GSPT1: variants seen among roughly 807,000 people sequenced by gnomAD.
GSPT1 encodes the protein eukaryotic peptide chain release factor GTP-binding subunit ERF3A.
A neutral mutation model predicts 72.5 loss-of-function variants in GSPT1; 20 were observed. That is an observed-to-expected ratio of 0.28 (90% CI 0.19 to 0.40). The LOEUF is 0.40. Ranked by LOEUF, GSPT1 falls within the 10% of genes least tolerant of loss-of-function variation. The pLI is 1.00. For synonymous variants in GSPT1, 334 were observed against 293.5 expected (o/e 1.14, Z -1.41); for missense variants, 580 against 811.9 (o/e 0.71, Z 3.47).
chr16:11,915,187 GCCGCGGGCCGCC>G (rs1421513917), intron 1 of GSPT1, 170 bp downstream of exon 1: 21 of 1,054,246 alleles, frequency 2.0e-5, no homozygotes, highest in Non-Finnish European at 2.2e-5. Context: ...CCCGGCCACC[GCCGCGGGCCGCC>G]CCGCGAAGGC....
chr16:11,876,517 G>A (rs1406295319), intron 12 of GSPT1, among the ~76,000 whole-genome samples: 1 of 152,114 alleles, frequency 6.6e-6, no homozygotes, highest in Non-Finnish European at 1.5e-5. Flanking sequence ...GGGGCCGGGG[G>A]GATCACCTGA....
chr16:11,898,641 G>C (rs2141305090), intron 1 of GSPT1, among the ~76,000 whole-genome samples: 1 of 152,120 alleles, frequency 6.6e-6, no homozygotes, highest in South Asian at 2.1e-4. Flanking sequence ...AGTAGAGATG[G>C]GGTTTCGCCA....
At chr16:11,915,340 G>GGA in intron 1 of GSPT1, 29 bp downstream of exon 1, 1 of 1,436,764 alleles carries the variant, frequency 7.0e-7, no homozygotes, top group Non-Finnish European at 9.1e-7. Flanking sequence ...GCGCCCGGCC[G>GGA]GACTTCCTCC....
intron 5 of GSPT1, among the ~76,000 whole-genome samples, chr16:11,892,525 A>AAAAAT (rs1256257842): frequency 1.1e-4 from 16 of 141,956 alleles, no homozygotes; most frequent in African/African-American, 4.2e-4. Flanking sequence ...AAAAAAAACA[A>AAAAAT]AAAAAACAAA....
intron 5 of GSPT1, among the ~76,000 whole-genome samples, chr16:11,894,617 C>T (rs1445422208): frequency 6.6e-6 from 1 of 152,118 alleles, no homozygotes; most frequent in South Asian, 2.1e-4. Flanking sequence ...ACACATTTAA[C>T]ACTAGTAATA....
In GSPT1 at chr16:11,886,829, T is replaced by C; in HGVS notation, c.1060A>G (p.Ile354Val). 1 of 1,612,706 alleles carries C rather than the reference T, an allele frequency of 6.2e-7. No homozygotes were observed. Among genetic ancestry groups the C allele is most frequent in the Non-Finnish European group, 8.5e-7 (1 of 1,178,712 alleles). Reference protein sequence around the residue: ...LAKTAGVKHLIVLINKMDDPT... With the variant: ...LAKTAGVKHLVVLINKMDDPT... Reference sequence around the variant, plus strand: ...TCATCCATCTTATTAATTAGCACAATTAGGTGTTTTACACCTGCTGTCTTT... The same window carrying C: ...TCATCCATCTTATTAATTAGCACAACTAGGTGTTTTACACCTGCTGTCTTT... Residue 354 changes from isoleucine to valine, a missense_variant, in exon 8 of 15, where the codon ATT becomes GTT. Physicochemically the swap from Ile to Val is conservative, Grantham distance 29. Around this residue, in one of 6 missense-constraint regions of GSPT1, gnomAD observed 34 missense variants for 62.0 expected, o/e 0.55. Coordinates refer to ENST00000434724, the MANE Select transcript of GSPT1 (RefSeq NM_002094.4).
In GSPT1 at chr16:11,915,361, G is replaced by A. The variant is rs1465312876; in HGVS notation, c.352+8C>T. 6 of 1,470,386 alleles carry A rather than the reference G, an allele frequency of 4.1e-6. No individual in the cohort carries two copies. Among genetic ancestry groups the A allele is most frequent in the Non-Finnish European group, 5.4e-6 (6 of 1,116,204 alleles). The allele number at this position is 1,470,386 out of a possible 1,614,324, so 91.1% of individuals were successfully genotyped here. A position where few individuals can be genotyped will look rare whatever the true frequency, so the allele number is the denominator to read the frequency against. ...GGCCGGACTTCCTCCCGCGTCCCGG[G>A]CCTTTACCCGCACGGCCTCCCGCGC... On this transcript the variant is annotated splice_region_variant and intron_variant, in intron 1 of 14. Transcript: ENST00000434724.
At chr16:11,890,130 T>G (rs1028451449) in intron 6 of GSPT1, among the ~76,000 whole-genome samples, 2 of 151,566 alleles carry the variant, frequency 1.3e-5, no homozygotes, top group Non-Finnish European at 2.9e-5. Flanking sequence ...CCAGCTAATT[T>G]TTTGTATTTT....
chr16:11,877,878 CAATTT>C lies in GSPT1; in HGVS notation c.1429-303_1429-299del, dbSNP rs747422790. Among the ~76,000 whole-genome samples, 1 of 152,100 alleles carries C rather than the reference CAATTT, an allele frequency of 6.6e-6. No individual in the cohort carries two copies. Among genetic ancestry groups the C allele is most frequent in the African/African-American group, 2.4e-5 (1 of 41,382 alleles). ...TTTTACCTTTTCAAAATCGAAAACA[CAATTT>C]AATATTTGGATTTCAGTTTTATGGA... On this transcript the variant is annotated intron_variant, in intron 11 of 14. Transcript: ENST00000434724. The surrounding 1 kb of genome is among the most constrained non-coding windows in gnomAD (Gnocchi z 4.0).
rs2054067550 is a variant in GSPT1, at chr16:11,877,903, T to C, written c.1429-323A>G. 6.6e-6 allele frequency among the ~76,000 whole-genome samples: 1 copy of C among 152,222 alleles called. No homozygotes were observed. Among genetic ancestry groups the C allele is most frequent in the African/African-American group, 2.4e-5 (1 of 41,460 alleles). ...CAATTTAATATTTGGATTTCAGTTTTATGGATATAATTTTTATTATTATGG... is the reference window on the plus strand; with the variant it reads ...CAATTTAATATTTGGATTTCAGTTTCATGGATATAATTTTTATTATTATGG... On this transcript the variant is annotated intron_variant, in intron 11 of 14. Coordinates refer to ENST00000434724, the MANE Select transcript of GSPT1 (RefSeq NM_002094.4). This position sits in a 1 kb window ranked among gnomAD's most constrained non-coding sequence, Gnocchi z 4.0.
chr16:11,883,855 G>C (rs1446986923), intron 10 of GSPT1, among the ~76,000 whole-genome samples: 2 of 151,674 alleles, frequency 1.3e-5, no homozygotes, highest in Non-Finnish European at 2.9e-5. Context: ...GGAGGTTGCA[G>C]TGAGCCGAGA....
intron 1 of GSPT1, among the ~76,000 whole-genome samples, chr16:11,903,076 T>C (rs1385108708): frequency 6.6e-6 from 1 of 152,094 alleles, no homozygotes; most frequent in African/African-American, 2.4e-5. Flanking sequence ...TTACTGCCCA[T>C]ACTCTCTCCT....
chr16:11,896,851 A>T, intron 3 of GSPT1, 66 bp from the exon 4 acceptor site: 1 of 1,041,174 alleles, frequency 9.6e-7, no homozygotes, highest in Non-Finnish European at 1.4e-6. Flanking sequence ...AAAATACACT[A>T]GCTTTAAAAC....
intron 12 of GSPT1, among the ~76,000 whole-genome samples, chr16:11,876,458 A>C (rs2054047834): frequency 6.6e-6 from 1 of 152,080 alleles, no homozygotes; most frequent in Non-Finnish European, 1.5e-5. Context: ...GGCTGGGCGC[A>C]GTGGTTCACG....
At chr16:11,906,516 C>T (rs2054492102) in intron 1 of GSPT1, among the ~76,000 whole-genome samples, 1 of 152,094 alleles carries the variant, frequency 6.6e-6, no homozygotes, top group Non-Finnish European at 1.5e-5. Context: ...CAACTGTAGT[C>T]CCAGCTATTT....
intron 11 of GSPT1, among the ~76,000 whole-genome samples, chr16:11,879,472 C>T (rs1174641048): frequency 2.6e-5 from 4 of 151,684 alleles, no homozygotes; most frequent in African/African-American, 4.8e-5. Flanking sequence ...CAGTGGCTCA[C>T]GCCTGTAACC....
intron 6 of GSPT1, among the ~76,000 whole-genome samples, chr16:11,890,412 G>A (rs1475902940): frequency 2.0e-5 from 3 of 152,050 alleles, no homozygotes; most frequent in Non-Finnish European, 4.4e-5. Context: ...CAAACCATCC[G>A]TAATAGTGGG....
intron 11 of GSPT1, chr16:11,881,359 T>A (rs1251897822): frequency 1.3e-5 from 2 of 150,068 alleles, no homozygotes; most frequent in African/African-American, 2.5e-5. Flanking sequence ...TTCTCTATAC[T>A]AGTTACTAAG....
intron 1 of GSPT1, among the ~76,000 whole-genome samples, chr16:11,902,274 C>T (rs1257087596): frequency 6.7e-6 from 1 of 148,506 alleles, no homozygotes; most frequent in Admixed American, 6.7e-5. Flanking sequence ...CCCAGCTACT[C>T]GGGAGGCCAA....
Sources: gnomAD v4.1 joint callset for allele counts (sites outside exome capture counted in the v4.1 genomes callset) on GRCh38, gnomAD v4.1.1 for gene constraint, gnomAD v4.1.1 regional missense constraint, Gnocchi (gnomAD v3.1) non-coding constraint, MANE v1.5 for transcripts, NCBI Gene and HGNC (gene_info 2026-07-23, HGNC 2026-07-21) for gene names.